Variants in DGKQ observed in about 807,000 individuals in gnomAD.
The protein encoded by DGKQ is DAG kinase theta.
In DGKQ, 97 loss-of-function variants were observed where a neutral mutation model predicts 104.2. The observed-to-expected ratio is 0.93, with a 90% CI of 0.79 to 1.10. The LOEUF (loss-of-function observed/expected upper bound fraction) is 1.10, where lower values mean the gene tolerates loss of function less well. Ranked by LOEUF, DGKQ falls within the 50% of genes least tolerant of loss-of-function variation. The probability of loss-of-function intolerance (pLI) is 0.00; values close to 1 mark genes in which losing one functional copy is unlikely to be tolerated. For synonymous variants in DGKQ, 736 were observed against 595.2 expected, an observed-to-expected ratio of 1.24 and a Z score of -3.44; for missense variants, 1,465 against 1,352.1, an observed-to-expected ratio of 1.08 and a Z score of -1.31.
chr4:971,184 G>A lies in DGKQ; in HGVS notation c.272-112C>T, dbSNP rs1712903795. 2.7e-6 allele frequency: 2 copies of A among 751,492 alleles called. No individual in the cohort carries two copies. Among genetic ancestry groups the A allele is most frequent in the South Asian group, 1.7e-5 (1 of 59,898 alleles). The allele number at this position is 751,492 out of a possible 1,614,324, so 46.6% of individuals were successfully genotyped here. On this transcript the variant is annotated intron_variant, in intron 1 of 22. Transcript: ENST00000273814. This position sits in a 1 kb window ranked among gnomAD's most constrained non-coding sequence, Gnocchi z 4.0. ...TGCCATACCCACCATGCTGCACCAG[G>A]GGCCCTGTGGTCCTCGAGTTCCCCC...
At chr4:967,439 A>T in intron 8 of DGKQ, 78 bp from the exon 9 acceptor site, 1 of 950,494 alleles carries the variant, frequency 1.1e-6, no homozygotes, top group Non-Finnish European at 1.4e-6. Flanking sequence ...ATGGAGGGGG[A>T]GGCCAGGTGG....
rs1174510602 is a variant in DGKQ, at chr4:961,217, C to A, written c.2575-16G>T. 2.0e-6 allele frequency: 3 copies of A among 1,532,272 alleles called. No individual in the cohort carries two copies. In the East Asian group the frequency reaches 7.1e-5, roughly 36 times the overall value. The allele number at this position is 1,532,272 out of a possible 1,614,324, so 94.9% of individuals were successfully genotyped here. On this transcript the variant is annotated splice_polypyrimidine_tract_variant and intron_variant, in intron 21 of 22. Coordinates refer to ENST00000273814, the MANE Select transcript of DGKQ (RefSeq NM_001347.4). ...GGACCTGGCCCTGGGGCGGGAGAGG[C>A]CAGCCGGGCTCAGCGGGGATCAGGG...
Position 967,165 on chromosome 4 carries a change from GC to G in DGKQ, c.1183del (p.Ala395ProfsTer5). ...AGGGTAGATCTTCAGGACCTCCTGG[GC>G]CCGCGGCAGAGCCCGGATGACCCAG... is the stretch of plus-strand genomic sequence containing the variant. ...EAWVIRALPR[A>X]QEVLKIYPGW... On this transcript the variant is annotated frameshift_variant, in exon 9 of 23. Coordinates refer to ENST00000273814, the MANE Select transcript of DGKQ (RefSeq NM_001347.4). LOFTEE classifies it high-confidence loss of function. 1 of 1,598,648 alleles carries G rather than the reference GC, an allele frequency of 6.3e-7. No individual in the cohort carries two copies. The highest frequency in any genetic ancestry group is 8.5e-7 in the Non-Finnish European group (1 of 1,173,338).
Position 966,044 on chromosome 4 carries a change from T to A in DGKQ, c.1463A>T (p.Tyr488Phe). Reference sequence around the variant, plus strand: ...GGCTACATCCCTGCTCTCTGCCACGTAGAACCGCGTCTGGCTCACCTGCCG... The same window carrying A: ...GGCTACATCCCTGCTCTCTGCCACGAAGAACCGCGTCTGGCTCACCTGCCG... ...SVRQVSQTRF[Y>F]VAESRDVAPH... Residue 488 changes from tyrosine to phenylalanine, a missense_variant, in exon 13 of 23, where the codon TAC (tyrosine) becomes TTC (phenylalanine). By Grantham distance (22) the Tyr-to-Phe change is conservative (BLOSUM62 3). Coordinates refer to ENST00000273814, the MANE Select transcript of DGKQ (RefSeq NM_001347.4). 6.2e-7 allele frequency: 1 copy of A among 1,603,760 alleles called. No homozygotes were observed. The highest frequency in any genetic ancestry group is 8.5e-7 in the Non-Finnish European group (1 of 1,176,322).
intron 22 of DGKQ, 44 bp downstream of exon 22, chr4:961,000 GGCCCA>G: frequency 6.3e-7 from 1 of 1,599,170 alleles, no homozygotes; most frequent in Non-Finnish European, 8.5e-7. Context: ...TCCCATGGCC[GGCCCA>G]GCCCGGCCCA....
rs985570679 is a variant in DGKQ, at chr4:959,316, G to C, written c.*1304C>G. 3 of 152,536 alleles carry C rather than the reference G, an allele frequency of 2.0e-5. No individual in the cohort carries two copies. Among genetic ancestry groups the C allele is most frequent in the Non-Finnish European group, 2.9e-5 (2 of 68,148 alleles). The allele number at this position is 152,536 out of a possible 1,614,324, so 9.4% of individuals were successfully genotyped here. On this transcript the variant is annotated 3_prime_UTR_variant, in exon 23 of 23. Transcript: ENST00000273814. The stretch of plus-strand genomic sequence containing the variant: ...TCAAAGCCACACCCAGGAAAGCTCC[G>C]CAGGATTGGAGGCCCAGGCCAGCTG...
chr4:965,899 C>A (rs373338843), intron 13 of DGKQ, 29 bp downstream of exon 13: 35 of 1,565,194 alleles, frequency 2.2e-5, no homozygotes, highest in Non-Finnish European at 3.0e-5. Context: ...CCCGTGCCAG[C>A]AGCCCACGGC....
At position 967,209 on chromosome 4, in the gene DGKQ, G is replaced by A. The variant is rs1291025279; in HGVS notation, c.1140C>T (p.Gly380=). Residue 380 remains glycine (G), a synonymous_variant, in exon 9 of 23, where the codon GGC becomes GGT. Transcript: ENST00000273814. ...ISEEGRSPGS[G]EATPEAWVIR... ...TGACCCAGGCCTCTGGCGTGGCCTC[G>A]CCGGACCCGGGGCTTCTGCCCTCCT... 3.2e-6 allele frequency: 5 copies of A among 1,586,368 alleles called. No individual in the cohort carries two copies. The Admixed American group carries it at 5.2e-5, about 16-fold the overall frequency.
chr4:970,992 C>T lies in DGKQ; in HGVS notation c.351+1G>A. ...GGTGCAACACCCAGCCCCACACTCA[C>T]CCGGACCAGGCTGGGTGCCACACTC... On this transcript the variant is annotated splice_donor_variant, in intron 2 of 22. Coordinates refer to ENST00000273814, the MANE Select transcript of DGKQ (RefSeq NM_001347.4). LOFTEE classifies it high-confidence loss of function. The T allele has an allele frequency of 6.5e-7, 1 of 1,550,282 alleles. No individual in the cohort carries two copies.
chr4:971,512 C>T lies in DGKQ; in HGVS notation c.272-440G>A, dbSNP rs780930881. ...CGCATACCCCTAATTGTCCCTGCTACGTGCTGTGCACCGTGCCTGAGACCG... is the reference window on the plus strand; with the variant it reads ...CGCATACCCCTAATTGTCCCTGCTATGTGCTGTGCACCGTGCCTGAGACCG... On this transcript the variant is annotated intron_variant, in intron 1 of 22. Transcript: ENST00000273814. The surrounding 1 kb of genome is among the most constrained non-coding windows in gnomAD (Gnocchi z 4.0). Among the ~76,000 whole-genome samples, 1 of 152,204 alleles carries T rather than the reference C, an allele frequency of 6.6e-6. No homozygotes were observed. Among genetic ancestry groups the T allele is most frequent in the African/African-American group, 2.4e-5 (1 of 41,444 alleles).
rs1711971843 is a variant in DGKQ at position 962,580 on chromosome 4, G to GC, written c.2068dup (p.Ala690GlyfsTer55). The GC allele has an allele frequency of 6.2e-7, 1 of 1,609,206 alleles. No individual in the cohort carries two copies. The highest frequency in any genetic ancestry group is 8.5e-7 in the Non-Finnish European group (1 of 1,179,868). On this transcript the variant is annotated frameshift_variant, in exon 18 of 23. Transcript: ENST00000273814. LOFTEE classifies it high-confidence loss of function. Reference sequence around the variant, plus strand: ...GAACGGGTCCTCGCCGCTGTAGCCCGCCCCCCAGCGGAGGACTCGACCAAG... The same window carrying GC: ...GAACGGGTCCTCGCCGCTGTAGCCCGCCCCCCCAGCGGAGGACTCGACCAAG...
In DGKQ at chr4:971,170, C is replaced by A; in HGVS notation, c.272-98G>T. On this transcript the variant is annotated intron_variant, in intron 1 of 22. Coordinates refer to ENST00000273814, the MANE Select transcript of DGKQ (RefSeq NM_001347.4). The surrounding 1 kb of genome is among the most constrained non-coding windows in gnomAD (Gnocchi z 4.0). ...CCCAGGGCAATGACTGCCATACCCA[C>A]CATGCTGCACCAGGGGCCCTGTGGT... is the stretch of plus-strand genomic sequence containing the variant. 2.4e-6 allele frequency: 2 copies of A among 830,070 alleles called. No individual in the cohort carries two copies. Among genetic ancestry groups the A allele is most frequent in the South Asian group, 1.6e-5 (1 of 64,034 alleles). The allele number at this position is 830,070 out of a possible 1,614,324, so 51.4% of individuals were successfully genotyped here. A position where few individuals can be genotyped will look rare whatever the true frequency, so the allele number is the denominator to read the frequency against.
chr4:967,607 C>T lies in DGKQ; in HGVS notation c.929G>A (p.Arg310Lys). Residue 310 changes from arginine to lysine, a missense_variant, in exon 8 of 23, where the codon AGA becomes AAA. By Grantham distance (26) the Arg-to-Lys change is conservative. Coordinates refer to ENST00000273814, the MANE Select transcript of DGKQ (RefSeq NM_001347.4). The part of the protein sequence containing the change: ...LKIFDGDDAV[R>K]RSQFRLVTVS... ...CGTGACGAGGCGGAACTGGCTTCTT[C>T]TCACCGCGTCGTCGCCATCAAAGAT... The T allele has an allele frequency of 6.2e-7, 1 of 1,612,716 alleles. No homozygotes were observed. The highest frequency in any genetic ancestry group is 8.5e-7 in the Non-Finnish European group (1 of 1,179,888).
In DGKQ at chr4:967,066, C is replaced by G; in HGVS notation, c.1221-12G>C. The G allele has an allele frequency of 6.5e-7, 1 of 1,549,046 alleles. No homozygotes were observed. Among genetic ancestry groups the G allele is most frequent in the Non-Finnish European group, 8.7e-7 (1 of 1,145,666 alleles). On this transcript the variant is annotated splice_polypyrimidine_tract_variant and intron_variant, in intron 9 of 22. Coordinates refer to ENST00000273814, the MANE Select transcript of DGKQ (RefSeq NM_001347.4). The stretch of plus-strand genomic sequence containing the variant: ...AGGCCACGCCCACCCTGTGGGGACA[C>G]AGTCTGAGCTGGAGCTCCCCCCACC...
In DGKQ at chr4:967,798, C is replaced by A. The variant is rs1400579573; in HGVS notation, c.816G>T (p.Glu272Asp). ...FRIVEAAEPG[E>D]GGDGADGSAA... is the part of the protein sequence containing the mutation. ...CGCTCCCGTCGGCGCCGTCGCCCCCCTCGCCTGCGGGTCGGGCACACGGAC... is the reference window on the plus strand; with the variant it reads ...CGCTCCCGTCGGCGCCGTCGCCCCCATCGCCTGCGGGTCGGGCACACGGAC... Residue 272 changes from glutamate to aspartate, a missense_variant, in exon 7 of 23, where the codon GAG becomes GAT. Physicochemically the swap from Glu to Asp is conservative, Grantham distance 45. Transcript: ENST00000273814. 2 of 1,600,406 alleles carry A rather than the reference C, an allele frequency of 1.2e-6. No homozygotes were observed. Among genetic ancestry groups the A allele is most frequent in the African/African-American group, 1.3e-5 (1 of 74,894 alleles).
Position 962,930 on chromosome 4 carries a change from G to A in DGKQ, c.1887-10C>T, listed in dbSNP as rs531874761. 3.7e-6 allele frequency: 6 copies of A among 1,604,044 alleles called. No homozygotes were observed. The African/African-American group carries it at 4.0e-5, about 11-fold the overall frequency. ...GGAGAACAGGTGGAGCCTAGCGGGA[G>A]ACAGGAAGTGTCCTCTACCAGCTGC... On this transcript the variant is annotated splice_polypyrimidine_tract_variant and intron_variant, in intron 16 of 22. Transcript: ENST00000273814.
In DGKQ at chr4:962,033, C is replaced by T. The variant is rs1711924989; in HGVS notation, c.2264G>A (p.Ser755Asn). 3 of 1,613,124 alleles carry T rather than the reference C, an allele frequency of 1.9e-6. No homozygotes were observed. The highest frequency in any genetic ancestry group is 1.7e-6 in the Non-Finnish European group (2 of 1,179,952). ...YCGIGIDAEL[S>N]LDFHQAREEE... is the part of the protein sequence containing the mutation. ...TTCCCGTGCCTGGTGGAAGTCCAGG[C>T]TCAGCTCCGCGTCGATGCCAATGCC... Residue 755 changes from serine to asparagine, a missense_variant, in exon 19 of 23, where the codon AGC (serine) becomes AAC (asparagine). By Grantham distance (46) the Ser-to-Asn change is conservative. Transcript: ENST00000273814.
rs1214846583 is a variant in DGKQ at position 968,029 on chromosome 4, TG to T, written c.664-3del. On this transcript the variant is annotated splice_region_variant and splice_polypyrimidine_tract_variant and intron_variant, in intron 5 of 22. Coordinates refer to ENST00000273814, the MANE Select transcript of DGKQ (RefSeq NM_001347.4). ...CGCCGCGGAGCAGAGGGAGTGCGCC[TG>T]GGGGGAGAAGGGCCTGAGCTGGGGG... is the stretch of plus-strand genomic sequence containing the variant. 6.3e-6 allele frequency: 9 copies of T among 1,421,254 alleles called. No homozygotes were observed. Among genetic ancestry groups the T allele is most frequent in the Admixed American group, 3.0e-5 (1 of 33,090 alleles). The allele number at this position is 1,421,254 out of a possible 1,614,324, so 88.0% of individuals were successfully genotyped here. A position where few individuals can be genotyped will look rare whatever the true frequency, so the allele number is the denominator to read the frequency against.
At chr4:964,849 C>A (rs1423745127) in intron 15 of DGKQ, among the ~76,000 whole-genome samples, 1 of 152,110 alleles carries the variant, frequency 6.6e-6, no homozygotes, top group South Asian at 2.1e-4. Flanking sequence ...TCCTGTGGGC[C>A]TCCCTACTGG....
Sources: allele counts gnomAD v4.1 joint callset (sites outside exome capture counted in the v4.1 genomes callset), GRCh38; gene constraint gnomAD v4.1.1; non-coding constraint Gnocchi (gnomAD v3.1); transcripts MANE v1.5; gene names NCBI Gene and HGNC (gene_info 2026-07-23, HGNC 2026-07-21).